Variants in MKLN1 observed in about 807,000 individuals in gnomAD.
MKLN1 encodes muskelin 1, also known as muskelin.
A neutral mutation model predicts 99.0 loss-of-function variants in MKLN1; 18 were observed. That is an observed-to-expected ratio of 0.18 (90% CI 0.13 to 0.27). MKLN1 has a LOEUF of 0.27. Among genes scored for constraint, MKLN1 ranks in the 10% least tolerant of loss-of-function variants. The pLI, the probability that MKLN1 is intolerant of heterozygous loss-of-function variation, is 1.00. For synonymous variants in MKLN1, 288 were observed against 293.2 expected, an observed-to-expected ratio of 0.98 and a Z score of 0.18; for missense variants, 621 against 875.9, an observed-to-expected ratio of 0.71 and a Z score of 3.67.
chr7:131,413,005 G>A (rs1200257588), intron 7 of MKLN1, among the ~76,000 whole-genome samples: 1 of 152,158 alleles, frequency 6.6e-6, no homozygotes, highest in African/African-American at 2.4e-5. Flanking sequence ...GACAGTAATT[G>A]TGTATTTGCA....
chr7:131,180,625 A>G (rs1796364911), intron 2 of MKLN1, among the ~76,000 whole-genome samples: 1 of 151,146 alleles, frequency 6.6e-6, no homozygotes, highest in African/African-American at 2.4e-5. Context: ...CTTGAACCTG[A>G]GAGGTGGAGG....
intron 3 of MKLN1, among the ~76,000 whole-genome samples, chr7:131,250,160 C>T (rs1036163540): frequency 2.0e-5 from 3 of 152,056 alleles, no homozygotes; most frequent in Non-Finnish European, 4.4e-5. Flanking sequence ...CTGACCATGG[C>T]GATCAGCCAC....
chr7:131,408,310 G>A (rs1302959800), intron 6 of MKLN1, among the ~76,000 whole-genome samples: 1 of 152,056 alleles, frequency 6.6e-6, no homozygotes, highest in Non-Finnish European at 1.5e-5. Context: ...ACAAACTGAT[G>A]AAATCAGCTT....
chr7:131,392,851 C>T (rs1209589908), intron 4 of MKLN1, among the ~76,000 whole-genome samples: 7 of 151,998 alleles, frequency 4.6e-5, no homozygotes, highest in Non-Finnish European at 8.8e-5. Flanking sequence ...GCGATCCACC[C>T]GCCTTGGCCT....
chr7:131,450,635 A>C (rs922100035), intron 12 of MKLN1, among the ~76,000 whole-genome samples: 1 of 152,208 alleles, frequency 6.6e-6, no homozygotes, highest in South Asian at 2.1e-4. Flanking sequence ...ATCTTTATAG[A>C]TAGTGTGTTT....
At chr7:131,289,082 C>T (rs1798177388) in intron 3 of MKLN1, among the ~76,000 whole-genome samples, 1 of 152,290 alleles carries the variant, frequency 6.6e-6, no homozygotes, top group Non-Finnish European at 1.5e-5. Context: ...ACCTCAGCCT[C>T]CCAAAGTGCT....
chr7:131,422,740 T>G (rs1247834108), intron 8 of MKLN1, among the ~76,000 whole-genome samples: 2 of 148,832 alleles, frequency 1.3e-5, no homozygotes, highest in African/African-American at 4.9e-5. Context: ...GTCTGTAGGG[T>G]TTTTTTTTTC....
intron 2 of MKLN1, among the ~76,000 whole-genome samples, chr7:131,170,561 G>C (rs1796200565): frequency 6.6e-6 from 1 of 152,216 alleles, no homozygotes; most frequent in African/African-American, 2.4e-5. Flanking sequence ...TGAAACATCT[G>C]AGAGAGTGGG....
chr7:131,168,299 G>A (rs1012814781), intron 2 of MKLN1, among the ~76,000 whole-genome samples: 13 of 151,842 alleles, frequency 8.6e-5, no homozygotes, highest in East Asian at 1.9e-4. Context: ...TCATTCCTCC[G>A]CTTTCTCACT....
chr7:131,365,055 A>G (rs576966742), intron 1 of MKLN1, among the ~76,000 whole-genome samples: 2 of 152,276 alleles, frequency 1.3e-5, no homozygotes, highest in South Asian at 2.1e-4. Context: ...GCTTTCCACA[A>G]TGGTTGAACT....
intron 2 of MKLN1, among the ~76,000 whole-genome samples, chr7:131,159,480 A>C (rs1022449109): frequency 1.3e-5 from 2 of 152,158 alleles, no homozygotes; most frequent in Non-Finnish European, 2.9e-5. Context: ...TGAGACAAAT[A>C]TCAAATGTTC....
intron 4 of MKLN1, among the ~76,000 whole-genome samples, chr7:131,394,059 G>A (rs1365136627): frequency 6.6e-6 from 1 of 150,596 alleles, no homozygotes; most frequent in Non-Finnish European, 1.5e-5. Flanking sequence ...ACTACTAGAT[G>A]GTTATTGCTA....
chr7:131,324,030 C>CA (rs1191585853), upstream of MKLN1, among the ~76,000 whole-genome samples: 1 of 152,142 alleles, frequency 6.6e-6, no homozygotes, highest in African/African-American at 2.4e-5. Flanking sequence ...TTCTTTCACT[C>CA]AAACCTCTGC....
At chr7:131,316,298 T>A (rs1275065049) in intron 3 of MKLN1, among the ~76,000 whole-genome samples, 5 of 152,200 alleles carry the variant, frequency 3.3e-5, no homozygotes, top group Admixed American at 1.3e-4. Context: ...CCACTGGTGA[T>A]ACCCAGGCAA....
chr7:131,239,523 G>A (rs1797371243), intron 3 of MKLN1, among the ~76,000 whole-genome samples: 1 of 152,034 alleles, frequency 6.6e-6, no homozygotes. Context: ...TTGCTAGGTT[G>A]CCCAGACTGA....
At chr7:131,398,250 T>TA (rs1554567029) in intron 5 of MKLN1, among the ~76,000 whole-genome samples, 1 of 152,176 alleles carries the variant, frequency 6.6e-6, no homozygotes, top group Non-Finnish European at 1.5e-5. Flanking sequence ...GAGATTTTTT[T>TA]AAAAAAATCC....
At chr7:131,251,576 A>G (rs1266182883) in intron 3 of MKLN1, among the ~76,000 whole-genome samples, 4 of 152,228 alleles carry the variant, frequency 2.6e-5, no homozygotes, top group Non-Finnish European at 4.4e-5. Flanking sequence ...AGTCAGGACC[A>G]TAAGGCCCTC....
At chr7:131,287,521 C>T (rs529478556) in intron 3 of MKLN1, among the ~76,000 whole-genome samples, 5 of 152,266 alleles carry the variant, frequency 3.3e-5, no homozygotes, top group African/African-American at 1.2e-4. Context: ...CATGTGATTG[C>T]ATTTAGGGCC....
At chr7:131,458,747 T>C (rs545728412) in intron 12 of MKLN1, among the ~76,000 whole-genome samples, 2 of 152,220 alleles carry the variant, frequency 1.3e-5, no homozygotes, top group African/African-American at 4.8e-5. Context: ...GTATGAACTT[T>C]AAAATTCTCT....
Sources: gnomAD v4.1 joint callset for allele counts (sites outside exome capture counted in the v4.1 genomes callset) on GRCh38, gnomAD v4.1.1 for gene constraint, MANE v1.5 for transcripts, NCBI Gene and HGNC (gene_info 2026-07-23, HGNC 2026-07-21) for gene names.